Variants in LEMD3 observed in about 807,000 individuals in gnomAD.
The protein encoded by LEMD3 is LEM domain containing 3.
Under a neutral mutation model 95.2 loss-of-function variants are expected in LEMD3, and 33 were observed. That is an observed-to-expected ratio of 0.35 (90% CI 0.26 to 0.46). The LOEUF is 0.46. LEMD3 is among the 20% of genes least tolerant of loss of function. The probability of loss-of-function intolerance (pLI) is 1.00; values close to 1 mark genes in which losing one functional copy is unlikely to be tolerated. For synonymous variants in LEMD3, 525 were observed against 474.6 expected, an observed-to-expected ratio of 1.11 and a Z score of -1.38; for missense variants, 1,210 against 1,192.8, an observed-to-expected ratio of 1.01 and a Z score of -0.21.
rs143879651 is a variant in LEMD3 at position 65,182,768 on chromosome 12, C to T, written c.1522+11650C>T. On this transcript the variant is annotated intron_variant, in intron 1 of 12. Coordinates refer to ENST00000308330, the MANE Select transcript of LEMD3 (RefSeq NM_014319.5). ...CCAAAATGTAGTACTGAATTTGAGA[C>T]GGAAAAACATTTTTTAAGAATGAGG... Among the ~76,000 whole-genome samples, 21 of 152,176 alleles carry T rather than the reference C, an allele frequency of 1.4e-4. 1 individual carries two copies. Among genetic ancestry groups the T allele is most frequent in the African/African-American group, 4.6e-4 (19 of 41,548 alleles).
intron 1 of LEMD3, among the ~76,000 whole-genome samples, chr12:65,187,820 A>G (rs1464976787): frequency 6.6e-6 from 1 of 152,152 alleles, no homozygotes; most frequent in East Asian, 1.9e-4. Flanking sequence ...TCACTGTACT[A>G]TCAGCAGCTC....
At chr12:65,185,241 ATTATCT>A (rs1458787999) in intron 1 of LEMD3, among the ~76,000 whole-genome samples, 6 of 152,108 alleles carry the variant, frequency 3.9e-5, no homozygotes, top group Admixed American at 2.0e-4. Context: ...TGGTAATGTG[ATTATCT>A]TTAGTGAGGA....
At chr12:65,208,231 A>C (rs969741819) in intron 1 of LEMD3, among the ~76,000 whole-genome samples, 3 of 152,164 alleles carry the variant, frequency 2.0e-5, no homozygotes, top group African/African-American at 7.2e-5. Flanking sequence ...AAAAAGCAAT[A>C]GTGAGAGGCT....
At chr12:65,180,820 A>G (rs1050652132) in intron 1 of LEMD3, among the ~76,000 whole-genome samples, 4 of 152,226 alleles carry the variant, frequency 2.6e-5, no homozygotes, top group African/African-American at 7.2e-5. Flanking sequence ...GCAAGAGTGT[A>G]GTTCAGCTCT....
At position 65,170,308 on chromosome 12, in the gene LEMD3, C is replaced by G; in HGVS notation, c.712C>G (p.Leu238Val). 6.3e-7 allele frequency: 1 copy of G among 1,589,636 alleles called. No individual in the cohort carries two copies. Among genetic ancestry groups the G allele is most frequent in the Non-Finnish European group, 8.6e-7 (1 of 1,168,074 alleles). Residue 238 changes from leucine to valine, a missense_variant, in exon 1 of 13, where the codon CTC (leucine) becomes GTC (valine). By Grantham distance (32) the Leu-to-Val change is conservative. Transcript: ENST00000308330. ...EERDPETEEPLWASRTVNGSR... is the reference protein window; with the variant it reads ...EERDPETEEPVWASRTVNGSR... ...GAGGGACCCGGAGACCGAGGAGCCG[C>G]TCTGGGCGAGCCGGACCGTGAATGG...
intron 1 of LEMD3, among the ~76,000 whole-genome samples, chr12:65,183,409 T>C (rs1039842055): frequency 6.6e-6 from 1 of 152,172 alleles, no homozygotes; most frequent in Non-Finnish European, 1.5e-5. Context: ...TCTGGACCGC[T>C]CTGAGTTATG....
intron 4 of LEMD3, among the ~76,000 whole-genome samples, 160 bp downstream of exon 4, chr12:65,218,779 T>G (rs1382799627): frequency 6.0e-5 from 9 of 149,652 alleles, no homozygotes; most frequent in Non-Finnish European, 1.3e-4. Flanking sequence ...GTAAAATTGT[T>G]CAACTTTTTT....
At chr12:65,171,407 T>A (rs1222317316) in intron 1 of LEMD3, 3 of 407,236 alleles carry the variant, frequency 7.4e-6, no homozygotes, top group Non-Finnish European at 1.4e-5. Flanking sequence ...GTGACAATTC[T>A]CTTTTAGCCC....
At chr12:65,173,092 G>A (rs1278034688) in intron 1 of LEMD3, among the ~76,000 whole-genome samples, 1 of 152,090 alleles carries the variant, frequency 6.6e-6, no homozygotes, top group Non-Finnish European at 1.5e-5. Context: ...TTAGTAGTAG[G>A]GCTAAGATTT....
rs975990827 is a variant in LEMD3, at chr12:65,240,677, A to G, written c.2127-232A>G. The G allele has an allele frequency of 1.3e-5, 7 of 557,994 alleles. No individual in the cohort carries two copies. In the African/African-American group the frequency reaches 1.3e-4, roughly 11 times the overall value. 34.6% of individuals were successfully genotyped at this position (557,994 alleles called of 1,614,324 possible). ...GAAGCAGCATCTTGACCCTAGCAAC[A>G]CATAAAGCCAGTGGAGCTTTTGGGG... On this transcript the variant is annotated intron_variant, in intron 8 of 12. Transcript: ENST00000308330.
chr12:65,182,907 A>G (rs1007264802), intron 1 of LEMD3, among the ~76,000 whole-genome samples: 2 of 152,210 alleles, frequency 1.3e-5, no homozygotes, highest in Non-Finnish European at 2.9e-5. Context: ...GTAAGATACC[A>G]TGAGTACTGT....
At chr12:65,220,499 T>A (rs867129904) in intron 4 of LEMD3, among the ~76,000 whole-genome samples, 2 of 152,360 alleles carry the variant, frequency 1.3e-5, no homozygotes, top group Middle Eastern at 3.4e-3. Flanking sequence ...TGCAAATATT[T>A]TCTCCCATTC....
At chr12:65,233,058 G>A (rs147035141) in intron 4 of LEMD3, among the ~76,000 whole-genome samples, 231 of 152,236 alleles carry the variant, frequency 1.5e-3, no homozygotes, top group African/African-American at 5.5e-3. Context: ...ATAAAGTACA[G>A]TGTGGTACTT....
chr12:65,231,807 TA>T (rs1870639221), intron 4 of LEMD3, among the ~76,000 whole-genome samples: 2 of 151,990 alleles, frequency 1.3e-5, no homozygotes, highest in Non-Finnish European at 2.9e-5. Context: ...GTATTATAAA[TA>T]TTTTTTTCTA....
intron 4 of LEMD3, among the ~76,000 whole-genome samples, chr12:65,226,922 A>G (rs1870465381): frequency 6.6e-6 from 1 of 152,230 alleles, no homozygotes; most frequent in Non-Finnish European, 1.5e-5. Flanking sequence ...AACATGCCAC[A>G]GAAATTTTGT....
At position 65,246,461 on chromosome 12, in the gene LEMD3, T is replaced by A; in HGVS notation, c.*136T>A. Reference sequence around the variant, plus strand: ...ACATCTCTGAACGTTCCAGAAGTCTTAAGGTTCCAAAGGGATTTAGCAGTG... The same window carrying A: ...ACATCTCTGAACGTTCCAGAAGTCTAAAGGTTCCAAAGGGATTTAGCAGTG... On this transcript the variant is annotated 3_prime_UTR_variant, in exon 13 of 13. Coordinates refer to ENST00000308330, the MANE Select transcript of LEMD3 (RefSeq NM_014319.5). 1 of 746,580 alleles carries A rather than the reference T, an allele frequency of 1.3e-6. No homozygotes were observed. The highest frequency in any genetic ancestry group is 2.3e-6 in the Non-Finnish European group (1 of 434,290). The allele number at this position is 746,580 out of a possible 1,614,324, so 46.2% of individuals were successfully genotyped here.
chr12:65,218,334 A>G (rs1870171937), intron 3 of LEMD3, among the ~76,000 whole-genome samples: 1 of 152,134 alleles, frequency 6.6e-6, no homozygotes, highest in Non-Finnish European at 1.5e-5. Context: ...ATGTAATGGT[A>G]GTTGTTTGTT....
intron 1 of LEMD3, among the ~76,000 whole-genome samples, chr12:65,178,339 T>C (rs1868793816): frequency 6.6e-6 from 1 of 152,186 alleles, no homozygotes; most frequent in Admixed American, 6.5e-5. Context: ...TTTGAAAATT[T>C]TCCCTAGAAT....
chr12:65,217,142 A>G (rs1296800254), intron 3 of LEMD3, among the ~76,000 whole-genome samples: 1 of 152,184 alleles, frequency 6.6e-6, no homozygotes, highest in Non-Finnish European at 1.5e-5. Context: ...CTTCCCCTTG[A>G]GTAAGGGTCA....
Sources: gnomAD v4.1 joint callset for allele counts (sites outside exome capture counted in the v4.1 genomes callset) on GRCh38, gnomAD v4.1.1 for gene constraint, MANE v1.5 for transcripts, NCBI Gene and HGNC (gene_info 2026-07-23, HGNC 2026-07-21) for gene names.